Variants in CDKAL1 observed in about 807,000 individuals in gnomAD.
CDKAL1 encodes the protein threonylcarbamoyladenosine tRNA methylthiotransferase.
Under a neutral mutation model 68.2 loss-of-function variants are expected in CDKAL1, and 32 were observed. The observed-to-expected ratio is 0.47, with a 90% CI of 0.35 to 0.63. The LOEUF (loss-of-function observed/expected upper bound fraction) is 0.63. CDKAL1 is among the 30% of genes least tolerant of loss of function. CDKAL1 has a pLI of 0.00. For missense variants in CDKAL1, 606 were observed against 696.7 expected (o/e 0.87, Z 1.47); for synonymous variants, 234 against 244.3 (o/e 0.96, Z 0.39).
intron 12 of CDKAL1, among the ~76,000 whole-genome samples, chr6:21,072,273 G>A (rs1468140835): frequency 6.6e-6 from 1 of 152,176 alleles, no homozygotes; most frequent in East Asian, 1.9e-4. Flanking sequence ...AGGAAAAAGT[G>A]ACTCCAAATA....
chr6:20,561,446 G>GAAAAAAAAAAAA (rs55750789), intron 4 of CDKAL1, among the ~76,000 whole-genome samples: 2 of 79,652 alleles, frequency 2.5e-5, no homozygotes, highest in African/African-American at 9.8e-5. Flanking sequence ...TCTCAAAAAA[G>GAAAAAAAAAAAA]AAAAAAAAAA....
At chr6:21,127,567 T>A (rs1341818045) in intron 13 of CDKAL1, among the ~76,000 whole-genome samples, 2 of 152,158 alleles carry the variant, frequency 1.3e-5, no homozygotes, top group Non-Finnish European at 2.9e-5. Flanking sequence ...CTGGCCAACA[T>A]GTTGAAACCC....
At chr6:20,618,041 A>G (rs191700802) in intron 4 of CDKAL1, among the ~76,000 whole-genome samples, 7 of 152,264 alleles carry the variant, frequency 4.6e-5, no homozygotes, top group Admixed American at 1.3e-4. Context: ...CCAACGGTGT[A>G]AAAGTGTTCT....
At chr6:21,112,117 A>G (rs895723062) in intron 13 of CDKAL1, among the ~76,000 whole-genome samples, 1 of 152,082 alleles carries the variant, frequency 6.6e-6, no homozygotes, top group African/African-American at 2.4e-5. Flanking sequence ...AGTAGGCTAT[A>G]ATTAGAACAC....
At chr6:20,669,882 C>T (rs549888179) in intron 5 of CDKAL1, among the ~76,000 whole-genome samples, 2 of 152,144 alleles carry the variant, frequency 1.3e-5, no homozygotes, top group Non-Finnish European at 1.5e-5. Flanking sequence ...CTTCCAGGCA[C>T]TCTTAGTAGA....
intron 11 of CDKAL1, among the ~76,000 whole-genome samples, chr6:21,063,108 T>C (rs1252381350): frequency 1.3e-5 from 2 of 152,088 alleles, no homozygotes; most frequent in African/African-American, 4.8e-5. Context: ...AGAGACAGGG[T>C]TTCACCATGT....
intron 5 of CDKAL1, among the ~76,000 whole-genome samples, chr6:20,656,482 CT>C (rs879580546): frequency 8.7e-4 from 124 of 142,078 alleles, no homozygotes; most frequent in Middle Eastern, 3.6e-3. Context: ...TCAGAGAATG[CT>C]TTTTTTTTTT....
chr6:21,195,079 A>G (rs1778409788), intron 13 of CDKAL1, among the ~76,000 whole-genome samples: 1 of 152,042 alleles, frequency 6.6e-6, no homozygotes, highest in Non-Finnish European at 1.5e-5. Context: ...ATGTATGCAT[A>G]TATTTATTTT....
At chr6:20,990,237 T>C (rs1159122553) in intron 10 of CDKAL1, among the ~76,000 whole-genome samples, 1 of 152,178 alleles carries the variant, frequency 6.6e-6, no homozygotes, top group Non-Finnish European at 1.5e-5. Flanking sequence ...AGCAAGACTC[T>C]GTCTCAAAAA....
chr6:21,119,806 G>A (rs568113274), intron 13 of CDKAL1, among the ~76,000 whole-genome samples: 1 of 152,074 alleles, frequency 6.6e-6, no homozygotes, highest in East Asian at 1.9e-4. Context: ...CCCTTCTATT[G>A]GAGACAGTAA....
At chr6:20,820,397 C>T (rs147774776) in intron 8 of CDKAL1, among the ~76,000 whole-genome samples, 138 of 152,230 alleles carry the variant, frequency 9.1e-4, no homozygotes, top group African/African-American at 3.3e-3. Context: ...TTCCCACCCA[C>T]CCTGTGAGGT....
intron 5 of CDKAL1, among the ~76,000 whole-genome samples, chr6:20,670,461 C>G (rs1769758286): frequency 6.6e-6 from 1 of 152,124 alleles, no homozygotes; most frequent in African/African-American, 2.4e-5. Flanking sequence ...TTTGCCATCC[C>G]CATTACTCCA....
chr6:20,706,879 A>G (rs1187159341), intron 5 of CDKAL1, among the ~76,000 whole-genome samples: 1 of 143,502 alleles, frequency 7.0e-6, no homozygotes, highest in East Asian at 2.2e-4. Context: ...AAATTACCCC[A>G]GTGTACCACC....
intron 9 of CDKAL1, among the ~76,000 whole-genome samples, chr6:20,892,426 G>T (rs1414164870): frequency 1.3e-5 from 2 of 152,098 alleles, no homozygotes; most frequent in African/African-American, 4.8e-5. Flanking sequence ...ACTTTTTAAG[G>T]TATGGTAATA....
At chr6:20,805,973 GT>G (rs1402036163) in intron 8 of CDKAL1, among the ~76,000 whole-genome samples, 1 of 152,152 alleles carries the variant, frequency 6.6e-6, no homozygotes, top group Non-Finnish European at 1.5e-5. Context: ...GATTTCAAAT[GT>G]TTTTTGGGGT....
intron 9 of CDKAL1, among the ~76,000 whole-genome samples, chr6:20,903,173 T>C (rs1375016609): frequency 6.6e-6 from 1 of 152,208 alleles, no homozygotes; most frequent in African/African-American, 2.4e-5. Flanking sequence ...TCTCACTCTC[T>C]CTGTCACTCC....
intron 13 of CDKAL1, among the ~76,000 whole-genome samples, chr6:21,121,632 C>T (rs182303595): frequency 1.1e-4 from 17 of 152,258 alleles, no homozygotes; most frequent in Middle Eastern, 3.4e-3. Flanking sequence ...ACTATTCTTG[C>T]AGTAAAGTTA....
chr6:20,817,778 A>G (rs1371458663), intron 8 of CDKAL1, among the ~76,000 whole-genome samples: 1 of 152,186 alleles, frequency 6.6e-6, no homozygotes, highest in Non-Finnish European at 1.5e-5. Flanking sequence ...ATTTGTCTAA[A>G]TAGCTCTGTG....
intron 10 of CDKAL1, among the ~76,000 whole-genome samples, chr6:20,971,004 A>G (rs187137502): frequency 1.3e-5 from 2 of 152,088 alleles, no homozygotes; most frequent in Admixed American, 6.5e-5. Context: ...ACGTGCCACC[A>G]CACCCGGCTA....
Sources: gnomAD v4.1 joint callset for allele counts (sites outside exome capture counted in the v4.1 genomes callset) on GRCh38, gnomAD v4.1.1 for gene constraint, MANE v1.5 for transcripts, NCBI Gene and HGNC (gene_info 2026-07-23, HGNC 2026-07-21) for gene names.